The following DVL2 variants were observed in gnomAD, a reference collection of about 807,000 sequenced individuals.
DVL2 encodes the protein dishevelled segment polarity protein 2, also known as segment polarity protein dishevelled homolog DVL-2.
A neutral mutation model predicts 69.8 loss-of-function variants in DVL2; 38 were observed. That is an observed-to-expected ratio of 0.54 (90% CI 0.42 to 0.71). The LOEUF is 0.71. Among genes scored for constraint, DVL2 ranks in the 30% least tolerant of loss-of-function variants. DVL2 has a pLI of 0.00. For synonymous variants in DVL2, 428 were observed against 392.4 expected (o/e 1.09, Z -1.07); for missense variants, 931 against 1,008.1 (o/e 0.92, Z 1.04).
intron 1 of DVL2, among the ~76,000 whole-genome samples, chr17:7,232,604 CAA>C (rs1482083916): frequency 6.6e-6 from 1 of 152,256 alleles, no homozygotes; most frequent in African/African-American, 2.4e-5. Flanking sequence ...CAGATGAGAT[CAA>C]GACACAAAAT....
chr17:7,233,525 C>G (rs929845439), intron 1 of DVL2, among the ~76,000 whole-genome samples: 2 of 152,092 alleles, frequency 1.3e-5, no homozygotes, highest in African/African-American at 4.8e-5. Flanking sequence ...CTCACTGCAA[C>G]CTCCGCCTCC....
chr17:7,230,522 A>G, intron 2 of DVL2, 92 bp from the exon 3 acceptor site: 1 of 1,535,608 alleles, frequency 6.5e-7, no homozygotes. Flanking sequence ...GGTCTCAGAG[A>G]GCTGGAGAAG....
Position 7,226,403 on chromosome 17 carries a change from T to G in DVL2, c.1762+18A>C, listed in dbSNP as rs766840095. 27 of 1,531,342 alleles carry G rather than the reference T, an allele frequency of 1.8e-5. No homozygotes were observed. Among genetic ancestry groups the G allele is most frequent in the Non-Finnish European group, 2.4e-5 (27 of 1,140,686 alleles). The allele number at this position is 1,531,342 out of a possible 1,614,324, so 94.9% of individuals were successfully genotyped here. The stretch of plus-strand genomic sequence containing the variant: ...CACCCTCAGATCCTGGCCGTACAGG[T>G]ATGTGGGGATGACTTACCCTCACTA... On this transcript the variant is annotated intron_variant, in intron 14 of 14. Coordinates refer to ENST00000005340, the MANE Select transcript of DVL2 (RefSeq NM_004422.3).
intron 3 of DVL2, 63 bp from the exon 4 acceptor site, chr17:7,230,218 C>T (rs1567574966): frequency 6.2e-7 from 1 of 1,610,938 alleles, no homozygotes; most frequent in Non-Finnish European, 8.5e-7. Flanking sequence ...TCCTAGGCGT[C>T]CCCTACCAAA....
Position 7,227,061 on chromosome 17 carries a change from A to G in DVL2, c.1543+29T>C, listed in dbSNP as rs746473605. 2.7e-5 allele frequency: 42 copies of G among 1,581,360 alleles called. 1 individual carries two copies. The highest frequency in any genetic ancestry group is 3.4e-4 in the Middle Eastern group (2 of 5,872). On this transcript the variant is annotated intron_variant, in intron 13 of 14. Coordinates refer to ENST00000005340, the MANE Select transcript of DVL2 (RefSeq NM_004422.3). The stretch of plus-strand genomic sequence containing the variant: ...GGCAGAACAAGGTAGGCAAAGCCAC[A>G]CTCCCAGAGTTGGGGCAGGGGGACT...
chr17:7,233,398 C>A (rs2142994319), intron 1 of DVL2, among the ~76,000 whole-genome samples: 1 of 152,194 alleles, frequency 6.6e-6, no homozygotes, highest in South Asian at 2.1e-4. Flanking sequence ...CCAAGAGAAA[C>A]CAGGATTAAC....
chr17:7,226,744 G>A lies in DVL2; in HGVS notation c.1544-105C>T, dbSNP rs1412119520. The A allele has an allele frequency of 8.9e-6, 8 of 900,324 alleles. No individual in the cohort carries two copies. The Admixed American group carries it at 1.3e-4, about 14-fold the overall frequency. The allele number at this position is 900,324 out of a possible 1,614,324, so 55.8% of individuals were successfully genotyped here. A position where few individuals can be genotyped will look rare whatever the true frequency, so the allele number is the denominator to read the frequency against. ...GAACAGTTCTCCCAGACCCACCCAC[G>A]ATGGGGCTCAAAACAGGGGTTCACA... On this transcript the variant is annotated intron_variant, in intron 13 of 14. Transcript: ENST00000005340.
chr17:7,226,232 T>C lies in DVL2; in HGVS notation c.1844A>G (p.Lys615Arg). 6.2e-7 allele frequency: 1 copy of C among 1,612,094 alleles called. No individual in the cohort carries two copies. The highest frequency in any genetic ancestry group is 1.1e-5 in the South Asian group (1 of 91,066). The change falls in exon 15 of 15, where the codon AAG (lysine) becomes AGG (arginine). Residue 615 changes from lysine (K) to arginine (R), a missense_variant. Around this residue, in one of 3 missense-constraint regions of DVL2, gnomAD observed 314 missense variants for 313.7 expected, o/e 1.00. Transcript: ENST00000005340. ...GRPEERAPESKSGSGSESEPS... is the reference protein window; with the variant it reads ...GRPEERAPESRSGSGSESEPS... ...CTCAGACTCACTGCCACTGCCGGAC[T>C]TGGACTCGGGGGCCCGCTCCTCGGG... is the stretch of plus-strand genomic sequence containing the variant.
Position 7,226,641 on chromosome 17 carries a change from T to C in DVL2, c.1544-2A>G. 6.5e-7 allele frequency: 1 copy of C among 1,546,856 alleles called. No homozygotes were observed. Among genetic ancestry groups the C allele is most frequent in the South Asian group, 1.2e-5 (1 of 82,570 alleles). ...CATTGAGAGACAGGTTGACTAGGTC[T>C]GGAAAGCAAGGGAAGAGAGGAAGAA... On this transcript the variant is annotated splice_acceptor_variant, in intron 13 of 14. Transcript: ENST00000005340. LOFTEE classifies it high-confidence loss of function.
intron 1 of DVL2, among the ~76,000 whole-genome samples, chr17:7,231,577 T>C (rs1180111580): frequency 8.7e-5 from 13 of 149,418 alleles, no homozygotes; most frequent in Non-Finnish European, 7.4e-5. Flanking sequence ...AAACACCCAT[T>C]AGAGGCCAGG....
Position 7,226,476 on chromosome 17 carries a change from A to G in DVL2, c.1707T>C (p.His569=). 6.4e-7 allele frequency: 1 copy of G among 1,565,066 alleles called. No homozygotes were observed. Among genetic ancestry groups the G allele is most frequent in the South Asian group, 1.2e-5 (1 of 83,838 alleles). Reference sequence around the variant, plus strand: ...CACCATAGGTGTAAGATGAAAGCTCATGGTAGGGTGGAGGCTGCGGGCTGT... The same window carrying G: ...CACCATAGGTGTAAGATGAAAGCTCGTGGTAGGGTGGAGGCTGCGGGCTGT... ...HPYSPQPPPY[H]ELSSYTYGGG... is the part of the protein sequence containing the mutation. The change falls in exon 14 of 15, where the codon CAT becomes CAC. Residue 569 remains histidine (H), a synonymous_variant. Coordinates refer to ENST00000005340, the MANE Select transcript of DVL2 (RefSeq NM_004422.3).
At position 7,226,532 on chromosome 17, in the gene DVL2, A is replaced by T. The variant is rs1176352987; in HGVS notation, c.1651T>A (p.Phe551Ile). 6.2e-7 allele frequency: 1 copy of T among 1,608,856 alleles called. No homozygotes were observed. The highest frequency in any genetic ancestry group is 1.7e-5 in the Admixed American group (1 of 59,166). ...GATPWPLLPT[F>I]SYQYPAPHPY... ...TGTGGGGCAGGGTATTGGTAGGAGA[A>T]AGTGGGCAGCAGGGGCCAGGGGGTG... The change falls in exon 14 of 15, where the codon TTC becomes ATC. Residue 551 changes from phenylalanine (F) to isoleucine (I), a missense_variant. Around this residue, in one of 3 missense-constraint regions of DVL2, gnomAD observed 314 missense variants for 313.7 expected, o/e 1.00. Transcript: ENST00000005340.
Position 7,229,598 on chromosome 17 carries a change from C to G in DVL2, c.737G>C (p.Arg246Pro), listed in dbSNP as rs780268199. 2 of 1,562,660 alleles carry G rather than the reference C, an allele frequency of 1.3e-6. No individual in the cohort carries two copies. Among genetic ancestry groups the G allele is most frequent in the African/African-American group, 2.7e-5 (2 of 73,108 alleles). The change falls in exon 6 of 15, where the codon CGC becomes CCC. Residue 246 changes from arginine to proline, a missense_variant. By Grantham distance (103) the Arg-to-Pro change is moderately radical. Around this residue, in one of 3 missense-constraint regions of DVL2, gnomAD observed 555 missense variants for 588.8 expected, o/e 0.94. Coordinates refer to ENST00000005340, the MANE Select transcript of DVL2 (RefSeq NM_004422.3). The surrounding 1 kb of genome is among the most constrained non-coding windows in gnomAD (Gnocchi z 4.4). Reference protein sequence around the residue: ...HRRRRKQRPPRLERTSSFSSV... With the variant: ...HRRRRKQRPPPLERTSSFSSV... ...GTAGGAACCCCTCACCCTCTCCAGG[C>G]GGGGTGGCCTCTGCTTCCTTCGCCG...
intron 1 of DVL2, 98 bp from the exon 2 acceptor site, chr17:7,230,895 T>C (rs2071533332): frequency 1.1e-6 from 1 of 911,388 alleles, no homozygotes; most frequent in East Asian, 2.5e-5. Flanking sequence ...CTCCAGGATG[T>C]TGACTTTCTC....
Position 7,229,344 on chromosome 17 carries a change from C to T in DVL2, c.817+34G>A, listed in dbSNP as rs759913829. The T allele has an allele frequency of 2.1e-5, 34 of 1,613,504 alleles. No individual in the cohort carries two copies. The highest frequency in any genetic ancestry group is 8.3e-5 in the Admixed American group (5 of 59,988). On this transcript the variant is annotated intron_variant, in intron 7 of 14. Transcript: ENST00000005340. This position sits in a 1 kb window ranked among gnomAD's most constrained non-coding sequence, Gnocchi z 4.4. ...CGCCCGGAACCCTAGAGACCAGGCC[C>T]TCCCCACGCCCTAGCCACAGGCTCT...
chr17:7,226,368 C>T lies in DVL2; in HGVS notation c.1762+53G>A, dbSNP rs1327134378. ...CCTCACCCAGGCTCCTCCCTGGCTC[C>T]CCTCTCATCCACCCTCAGATCCTGG... On this transcript the variant is annotated intron_variant, in intron 14 of 14. Coordinates refer to ENST00000005340, the MANE Select transcript of DVL2 (RefSeq NM_004422.3). The T allele has an allele frequency of 5.2e-6, 8 of 1,531,352 alleles. 1 individual carries two copies. Among genetic ancestry groups the T allele is most frequent in the East Asian group, 2.3e-5 (1 of 44,280 alleles). The allele number at this position is 1,531,352 out of a possible 1,614,324, so 94.9% of individuals were successfully genotyped here.
Position 7,229,065 on chromosome 17 carries a change from G to C in DVL2, c.958-20C>G. On this transcript the variant is annotated intron_variant, in intron 8 of 14. Transcript: ENST00000005340. The surrounding 1 kb of genome is among the most constrained non-coding windows in gnomAD (Gnocchi z 4.4). ...ATTCACCTGGAAGCGACGGCAAGTG[G>C]GTCAGAGACACGGTGGGAGAGGCTG... The C allele has an allele frequency of 6.2e-7, 1 of 1,614,148 alleles. No individual in the cohort carries two copies. The highest frequency in any genetic ancestry group is 8.5e-7 in the Non-Finnish European group (1 of 1,180,020).
intron 1 of DVL2, among the ~76,000 whole-genome samples, chr17:7,231,515 TTC>T (rs1457572429): frequency 6.6e-6 from 1 of 150,542 alleles, no homozygotes; most frequent in Non-Finnish European, 1.5e-5. Flanking sequence ...CTCTTATACT[TTC>T]CTTTAGTTTT....
At chr17:7,234,026 T>G (rs2071593291) in intron 1 of DVL2, 43 bp downstream of exon 1, 1 of 1,604,756 alleles carries the variant, frequency 6.2e-7, no homozygotes, top group Non-Finnish European at 8.5e-7. Flanking sequence ...CCCAATCCAC[T>G]CTAGCAAAGC....
Sources: gnomAD v4.1 joint callset for allele counts (sites outside exome capture counted in the v4.1 genomes callset) on GRCh38, gnomAD v4.1.1 for gene constraint, gnomAD v4.1.1 regional missense constraint, Gnocchi (gnomAD v3.1) non-coding constraint, MANE v1.5 for transcripts, NCBI Gene and HGNC (gene_info 2026-07-23, HGNC 2026-07-21) for gene names.